NUDT3: variants seen among roughly 807,000 people sequenced by gnomAD.
NUDT3 encodes the protein diphosphoinositol polyphosphate phosphohydrolase 1.
NUDT3 carries 9 observed loss-of-function variants against 23.6 expected under a neutral mutation model. That is an observed-to-expected ratio of 0.38 (90% CI 0.23 to 0.66). NUDT3 has a LOEUF of 0.66. Among genes scored for constraint, NUDT3 ranks in the 30% least tolerant of loss-of-function variants. The pLI, the probability that NUDT3 is intolerant of heterozygous loss-of-function variation, is 0.52. For synonymous variants in NUDT3, 86 were observed against 82.6 expected, an observed-to-expected ratio of 1.04 and a Z score of -0.22; for missense variants, 172 against 218.5, an observed-to-expected ratio of 0.79 and a Z score of 1.34.
Position 34,287,143 on chromosome 6 carries a change from C to T in NUDT3, c.*1610G>A, listed in dbSNP as rs1324017772. 1 of 152,178 alleles carries T rather than the reference C, an allele frequency of 6.6e-6. No individual in the cohort carries two copies. Among genetic ancestry groups the T allele is most frequent in the African/African-American group, 2.4e-5 (1 of 41,432 alleles). The allele number at this position is 152,178 out of a possible 1,614,324, so 9.4% of individuals were successfully genotyped here. A position where few individuals can be genotyped will look rare whatever the true frequency, so the allele number is the denominator to read the frequency against. ...CAAAAGTGCTGAACACTAAATGACACAGGGCTATGAGGTACATACATTTCT... is the reference window on the plus strand; with the variant it reads ...CAAAAGTGCTGAACACTAAATGACATAGGGCTATGAGGTACATACATTTCT... On this transcript the variant is annotated 3_prime_UTR_variant, in exon 5 of 5. Coordinates refer to ENST00000607016, the MANE Select transcript of NUDT3 (RefSeq NM_006703.4).
rs1362079567 is a variant in NUDT3, at chr6:34,285,389, A to T, written c.*3364T>A. 6.6e-6 allele frequency: 1 copy of T among 152,192 alleles called. No individual in the cohort carries two copies. The highest frequency in any genetic ancestry group is 1.5e-5 in the Non-Finnish European group (1 of 68,042). The allele number at this position is 152,192 out of a possible 1,614,324, so 9.4% of individuals were successfully genotyped here. Reference sequence around the variant, plus strand: ...ACATGACCTTACTAGTGTTTCCCCAATGACTGTAATTTATAAACTAAAAAT... The same window carrying T: ...ACATGACCTTACTAGTGTTTCCCCATTGACTGTAATTTATAAACTAAAAAT... On this transcript the variant is annotated 3_prime_UTR_variant, in exon 5 of 5. Transcript: ENST00000607016.
Position 34,297,755 on chromosome 6 carries a change from ATATAATTTT to A in NUDT3, c.211-2079_211-2071del, listed in dbSNP as rs1337389932. On this transcript the variant is annotated intron_variant, in intron 2 of 4. Coordinates refer to ENST00000607016, the MANE Select transcript of NUDT3 (RefSeq NM_006703.4). ...AATATATATATATATATATATATAT[ATATAATTTT>A]TTTTTTTTTTTTAGTAGAGACGGGG... Among the ~76,000 whole-genome samples the A allele has an allele frequency of 1.8e-3, 162 of 90,370 alleles. 5 individuals carry two copies. Among genetic ancestry groups the A allele is most frequent in the African/African-American group, 8.1e-3 (157 of 19,294 alleles). The allele number at this position is 90,370 out of a possible 152,430, so 59.3% of individuals were successfully genotyped here. A position where few individuals can be genotyped will look rare whatever the true frequency, so the allele number is the denominator to read the frequency against.
At chr6:34,312,178 G>GA (rs1364336169) in intron 2 of NUDT3, among the ~76,000 whole-genome samples, 2 of 152,120 alleles carry the variant, frequency 1.3e-5, no homozygotes, top group Non-Finnish European at 2.9e-5. Flanking sequence ...GAGGTGGGCG[G>GA]ATCACTTGAG....
At chr6:34,297,757 ATAATTTT>A (rs1342348114) in intron 2 of NUDT3, among the ~76,000 whole-genome samples, 19 of 68,052 alleles carry the variant, frequency 2.8e-4, no homozygotes, top group African/African-American at 8.4e-4. Context: ...ATATATATAT[ATAATTTT>A]TTTTTTTTTT....
At chr6:34,365,690 A>G (rs774402998) in intron 1 of NUDT3, among the ~76,000 whole-genome samples, 7 of 152,200 alleles carry the variant, frequency 4.6e-5, no homozygotes, top group Non-Finnish European at 8.8e-5. Context: ...AGGCAAGAGG[A>G]TCCCTTGAGG....
intron 2 of NUDT3, among the ~76,000 whole-genome samples, chr6:34,316,781 A>G (rs1476140473): frequency 6.6e-6 from 1 of 152,176 alleles, no homozygotes; most frequent in Non-Finnish European, 1.5e-5. Context: ...AGTGAGAAAG[A>G]GAGGGGAGTG....
chr6:34,297,760 A>ATATATATATATTTTTTTTTT (rs1763535832), intron 2 of NUDT3, among the ~76,000 whole-genome samples: 1 of 53,652 alleles, frequency 1.9e-5, no homozygotes, highest in Non-Finnish European at 3.1e-5. Context: ...TATATATATA[A>ATATATATATATTTTTTTTTT]TTTTTTTTTT....
chr6:34,360,537 T>C (rs1018889609), intron 1 of NUDT3, among the ~76,000 whole-genome samples: 1 of 152,050 alleles, frequency 6.6e-6, no homozygotes, highest in African/African-American at 2.4e-5. Flanking sequence ...TAATCAAGAT[T>C]GTGCCACTAG....
At chr6:34,325,036 C>G (rs771478711) in intron 2 of NUDT3, among the ~76,000 whole-genome samples, 2 of 152,152 alleles carry the variant, frequency 1.3e-5, no homozygotes, top group South Asian at 4.1e-4. Context: ...CGAACTGTAA[C>G]TGAGAAGGAA....
At chr6:34,329,867 T>C (rs971509319) in intron 2 of NUDT3, among the ~76,000 whole-genome samples, 1 of 152,170 alleles carries the variant, frequency 6.6e-6, no homozygotes, top group African/African-American at 2.4e-5. Context: ...TTCTCATTGT[T>C]CAATTCCCAC....
At chr6:34,389,041 G>A (rs1765153369) in intron 1 of NUDT3, among the ~76,000 whole-genome samples, 1 of 152,238 alleles carries the variant, frequency 6.6e-6, no homozygotes, top group Non-Finnish European at 1.5e-5. Context: ...GCTGAGATGG[G>A]AGGATCTCTT....
intron 1 of NUDT3, among the ~76,000 whole-genome samples, chr6:34,366,445 G>A (rs1040239343): frequency 2.4e-5 from 3 of 126,286 alleles, no homozygotes; most frequent in Admixed American, 8.7e-5. Flanking sequence ...AGAGAGAGAA[G>A]GAGAGAGAGA....
chr6:34,371,697 A>G (rs1046408603), intron 1 of NUDT3, among the ~76,000 whole-genome samples: 1 of 152,204 alleles, frequency 6.6e-6, no homozygotes, highest in African/African-American at 2.4e-5. Context: ...TGGCAAGATG[A>G]GAATTATAAT....
chr6:34,295,551 T>A, intron 3 of NUDT3, 90 bp downstream of exon 3: 2 of 1,365,522 alleles, frequency 1.5e-6, no homozygotes, highest in Non-Finnish European at 2.0e-6. Context: ...AAAAAAAAAC[T>A]CGCTGAAACA....
intron 2 of NUDT3, among the ~76,000 whole-genome samples, chr6:34,327,946 C>CG (rs1269428192): frequency 2.6e-5 from 4 of 152,254 alleles, no homozygotes; most frequent in Non-Finnish European, 4.4e-5. Flanking sequence ...AGCACCTGAC[C>CG]CTGTACCTGC....
rs567819632 is a variant in NUDT3 at position 34,367,457 on chromosome 6, GGAC to G, written c.99+24804_99+24806del. 2.2e-3 allele frequency among the ~76,000 whole-genome samples: 333 copies of G among 151,230 alleles called. 2 individuals are homozygous for G. Among genetic ancestry groups the G allele is most frequent in the African/African-American group, 7.7e-3 (316 of 41,196 alleles). On this transcript the variant is annotated intron_variant, in intron 1 of 4. Transcript: ENST00000607016. ...AGATCGCACCATTGAACTACAGCCT[GGAC>G]GACAAGAGTGAGACTCCATCTCATT...
intron 1 of NUDT3, among the ~76,000 whole-genome samples, chr6:34,365,380 G>C (rs1381416370): frequency 6.6e-6 from 1 of 152,100 alleles, no homozygotes; most frequent in African/African-American, 2.4e-5. Flanking sequence ...AGTGAACCAA[G>C]ATCGCGCCAC....
intron 2 of NUDT3, among the ~76,000 whole-genome samples, chr6:34,301,694 G>A (rs1302408302): frequency 6.6e-6 from 1 of 152,340 alleles, no homozygotes; most frequent in East Asian, 1.9e-4. Flanking sequence ...ACCAGAAGTT[G>A]ACCTTGGCTT....
chr6:34,377,715 C>G (rs906270455), intron 1 of NUDT3, among the ~76,000 whole-genome samples: 4 of 151,858 alleles, frequency 2.6e-5, no homozygotes, highest in African/African-American at 9.7e-5. Context: ...CACCTGTAAC[C>G]CCAGCTACTT....
Sources: gnomAD v4.1 joint callset for allele counts (sites outside exome capture counted in the v4.1 genomes callset) on GRCh38, gnomAD v4.1.1 for gene constraint, MANE v1.5 for transcripts, NCBI Gene and HGNC (gene_info 2026-07-23, HGNC 2026-07-21) for gene names.